The following ADAMTSL1 variants were observed in gnomAD, a reference collection of about 807,000 sequenced individuals.
ADAMTSL1 encodes ADAMTS like 1.
Under a neutral mutation model 201.8 loss-of-function variants are expected in ADAMTSL1, and 126 were observed. The ratio of observed to expected loss-of-function variants is 0.62; its 90% CI spans 0.54 to 0.72. The LOEUF (loss-of-function observed/expected upper bound fraction) is 0.72. Ranked by LOEUF, ADAMTSL1 falls within the 30% of genes least tolerant of loss-of-function variation. The probability of loss-of-function intolerance (pLI) is 0.00; values close to 1 mark genes in which losing one functional copy is unlikely to be tolerated. For missense variants in ADAMTSL1, 2,679 were observed against 2,277.8 expected, an observed-to-expected ratio of 1.18 and a Z score of -3.59; for synonymous variants, 1,121 against 903.4, an observed-to-expected ratio of 1.24 and a Z score of -4.32.
intron 1 of ADAMTSL1, among the ~76,000 whole-genome samples, chr9:18,137,268 A>G (rs1028152512): frequency 1.3e-5 from 2 of 152,216 alleles, no homozygotes; most frequent in African/African-American, 4.8e-5. Context: ...ATAAATTAAC[A>G]TAAGTTTGAA....
chr9:18,358,338 G>A (rs920628379), intron 2 of ADAMTSL1, among the ~76,000 whole-genome samples: 5 of 152,096 alleles, frequency 3.3e-5, no homozygotes, highest in African/African-American at 4.8e-5. Flanking sequence ...GGAAAAGTAA[G>A]ACCATTAAGA....
At chr9:18,449,807 G>A (rs949482744) in intron 2 of ADAMTSL1, among the ~76,000 whole-genome samples, 2 of 152,126 alleles carry the variant, frequency 1.3e-5, no homozygotes, top group African/African-American at 4.8e-5. Flanking sequence ...TTAGGCAAAT[G>A]CACAGTAAAA....
At chr9:18,499,432 A>G (rs1012120813) in intron 1 of ADAMTSL1, among the ~76,000 whole-genome samples, 1 of 152,242 alleles carries the variant, frequency 6.6e-6, no homozygotes, top group Non-Finnish European at 1.5e-5. Flanking sequence ...CAAGGATTAG[A>G]TAAGATTTAT....
intron 1 of ADAMTSL1, among the ~76,000 whole-genome samples, chr9:18,077,883 A>G (rs1254053948): frequency 6.6e-6 from 1 of 152,176 alleles, no homozygotes; most frequent in Non-Finnish European, 1.5e-5. Context: ...CTTTGGATGT[A>G]AGAGAAGAAG....
chr9:18,086,497 C>G (rs758908615), intron 1 of ADAMTSL1, among the ~76,000 whole-genome samples: 1 of 152,080 alleles, frequency 6.6e-6, no homozygotes, highest in Non-Finnish European at 1.5e-5. Flanking sequence ...ATCAAAATCT[C>G]CCTAATGTTG....
chr9:18,181,838 G>A (rs1418779990), intron 2 of ADAMTSL1, among the ~76,000 whole-genome samples: 12 of 152,150 alleles, frequency 7.9e-5, no homozygotes, highest in East Asian at 5.8e-4. Flanking sequence ...ACATGCACAC[G>A]TATGTTTATT....
intron 15 of ADAMTSL1, among the ~76,000 whole-genome samples, chr9:18,751,100 C>A (rs944664895): frequency 6.6e-6 from 1 of 152,132 alleles, no homozygotes. Flanking sequence ...CAAGACTTCA[C>A]CTTTGGAAGG....
chr9:18,803,956 C>G (rs1193766967), intron 20 of ADAMTSL1, among the ~76,000 whole-genome samples: 2 of 152,110 alleles, frequency 1.3e-5, no homozygotes, highest in South Asian at 2.1e-4. Context: ...TTTACTATTA[C>G]TAAGAAGCCT....
intron 23 of ADAMTSL1, among the ~76,000 whole-genome samples, chr9:18,841,648 C>T (rs1204223803): frequency 6.6e-6 from 1 of 152,186 alleles, no homozygotes; most frequent in African/African-American, 2.4e-5. Flanking sequence ...TAGAATTCGG[C>T]TGTGAATCCA....
At chr9:18,662,193 C>T in intron 9 of ADAMTSL1, 120 bp downstream of exon 9, 1 of 1,308,636 alleles carries the variant, frequency 7.6e-7, no homozygotes, top group South Asian at 1.4e-5. Context: ...AATAGTGTTG[C>T]TGTCCAGTGT....
intron 3 of ADAMTSL1, among the ~76,000 whole-genome samples, chr9:18,572,186 C>A (rs1822362335): frequency 6.7e-6 from 1 of 149,394 alleles, no homozygotes; most frequent in Non-Finnish European, 1.5e-5. Context: ...CAGAGCGAGA[C>A]TCCTTGTCAA....
chr9:18,631,657 G>T (rs1376868597), intron 5 of ADAMTSL1, among the ~76,000 whole-genome samples: 4 of 152,124 alleles, frequency 2.6e-5, no homozygotes, highest in Non-Finnish European at 5.9e-5. Context: ...TGACACAGCT[G>T]TGAATCACGC....
intron 2 of ADAMTSL1, among the ~76,000 whole-genome samples, chr9:18,299,196 G>A (rs1254354541): frequency 3.3e-5 from 5 of 152,094 alleles, no homozygotes; most frequent in South Asian, 4.2e-4. Context: ...GCTAATAAGT[G>A]TGAGAGCTAG....
intron 23 of ADAMTSL1, among the ~76,000 whole-genome samples, chr9:18,886,164 G>GTATATATATATATATATATA (rs773443727): frequency 1.6e-5 from 1 of 62,200 alleles, no homozygotes; most frequent in Non-Finnish European, 3.4e-5. Flanking sequence ...GAGTGTGTAT[G>GTATATATATATATATATATA]TGTATATATA....
intron 13 of ADAMTSL1, among the ~76,000 whole-genome samples, chr9:18,688,563 G>A (rs1272045578): frequency 6.8e-6 from 1 of 146,318 alleles, no homozygotes; most frequent in Non-Finnish European, 1.5e-5. Flanking sequence ...AGCTACTCAG[G>A]AGTCTGCGGC....
chr9:18,514,454 C>A (rs1357276977), intron 2 of ADAMTSL1, among the ~76,000 whole-genome samples: 1 of 151,558 alleles, frequency 6.6e-6, no homozygotes, highest in African/African-American at 2.4e-5. Flanking sequence ...CTCAGCCTCC[C>A]GAGTAGCTGG....
chr9:18,110,931 A>G (rs1474580671), intron 1 of ADAMTSL1, among the ~76,000 whole-genome samples: 2 of 152,194 alleles, frequency 1.3e-5, no homozygotes, highest in East Asian at 1.9e-4. Context: ...ACTTTGTTGA[A>G]CAAACTTAGG....
intron 2 of ADAMTSL1, among the ~76,000 whole-genome samples, chr9:18,456,036 T>A (rs998178257): frequency 6.6e-6 from 1 of 152,166 alleles, no homozygotes. Context: ...CACCGTTACC[T>A]TTCATATTCT....
At chr9:17,920,577 C>G (rs548146596) in intron 1 of ADAMTSL1, among the ~76,000 whole-genome samples, 33 of 152,282 alleles carry the variant, frequency 2.2e-4, no homozygotes, top group African/African-American at 7.7e-4. Context: ...TCACCGCGTT[C>G]TCTTTTGACA....
Sources: gnomAD v4.1 joint callset for allele counts (sites outside exome capture counted in the v4.1 genomes callset) on GRCh38, gnomAD v4.1.1 for gene constraint, MANE v1.5 for transcripts, NCBI Gene and HGNC (gene_info 2026-07-23, HGNC 2026-07-21) for gene names.